The following DBX2 variants were observed in gnomAD, a reference collection of about 807,000 sequenced individuals.
DBX2 encodes the protein homeobox protein DBX2.
Under a neutral mutation model 17.7 loss-of-function variants are expected in DBX2, and 16 were observed. The ratio of observed to expected loss-of-function variants is 0.90; its 90% CI spans 0.61 to 1.37. The LOEUF (loss-of-function observed/expected upper bound fraction) is 1.37. Ranked by LOEUF, DBX2 falls within the 40% of genes most tolerant of loss-of-function variation. The pLI is 0.00. For missense variants in DBX2, 538 were observed against 433.8 expected, an observed-to-expected ratio of 1.24 and a Z score of -2.13; for synonymous variants, 255 against 183.8, an observed-to-expected ratio of 1.39 and a Z score of -3.13.
At position 45,050,698 on chromosome 12, in the gene DBX2, G is replaced by A. The variant is rs569493933; in HGVS notation, c.230C>T (p.Pro77Leu). Residue 77 changes from proline (P) to leucine (L), a missense_variant, in exon 1 of 4, where the codon CCT becomes CTT. Physicochemically the swap from Pro to Leu is moderately conservative, Grantham distance 98. Coordinates refer to ENST00000332700, the MANE Select transcript of DBX2 (RefSeq NM_001004329.3). ...CAGCTTTAGGGGAACTGGGCTAGCAGGCAGGGGCCGGAGCTGCGCGCCCGC... is the reference window on the plus strand; with the variant it reads ...CAGCTTTAGGGGAACTGGGCTAGCAAGCAGGGGCCGGAGCTGCGCGCCCGC... ...ATAGAQLRPL[P>L]ASPVPLKLCP... 18 of 1,526,172 alleles carry A rather than the reference G, an allele frequency of 1.2e-5. No individual in the cohort carries two copies. The highest frequency in any genetic ancestry group is 2.1e-5 in the Admixed American group (1 of 48,350). The allele number at this position is 1,526,172 out of a possible 1,614,324, so 94.5% of individuals were successfully genotyped here.
rs1253532108 is a variant in DBX2 at position 45,036,118 on chromosome 12, C to A, written c.404-4G>T. ...AGAAGGAAAGGTTTGGAAGGTGCTG[C>A]AGAGAAAGCATTGATCTCATTGATT... On this transcript the variant is annotated splice_polypyrimidine_tract_variant and splice_region_variant and intron_variant, in intron 1 of 3. Coordinates refer to ENST00000332700, the MANE Select transcript of DBX2 (RefSeq NM_001004329.3). 3.1e-6 allele frequency: 5 copies of A among 1,607,314 alleles called. No individual in the cohort carries two copies. The highest frequency in any genetic ancestry group is 1.7e-5 in the Admixed American group (1 of 58,614).
chr12:45,042,912 G>C (rs1946479320), intron 1 of DBX2, among the ~76,000 whole-genome samples: 1 of 152,084 alleles, frequency 6.6e-6, no homozygotes. Flanking sequence ...AGGTGCCCAG[G>C]GTCATCACCT....
intron 1 of DBX2, among the ~76,000 whole-genome samples, chr12:45,039,596 GATA>G (rs1325353935): frequency 2.6e-5 from 4 of 151,774 alleles, no homozygotes; most frequent in Non-Finnish European, 5.9e-5. Flanking sequence ...TATTTATAAT[GATA>G]ATATTTAAGG....
chr12:45,043,891 ACT>A (rs145727882), intron 1 of DBX2, among the ~76,000 whole-genome samples: 2,807 of 152,106 alleles, frequency 0.018, 37 homozygotes, highest in Non-Finnish European at 0.028. Context: ...TCAAATGCTG[ACT>A]CTACCACTGT....
At chr12:45,050,357 G>A (rs1357380757) in intron 1 of DBX2, among the ~76,000 whole-genome samples, 168 bp downstream of exon 1, 1 of 152,156 alleles carries the variant, frequency 6.6e-6, no homozygotes, top group East Asian at 1.9e-4. Context: ...CCTCCGCCTG[G>A]GCCCCCTACT....
At chr12:45,038,032 A>C (rs902642468) in intron 1 of DBX2, among the ~76,000 whole-genome samples, 1 of 152,098 alleles carries the variant, frequency 6.6e-6, no homozygotes, top group East Asian at 1.9e-4. Flanking sequence ...TATATTGACT[A>C]TAAAACTGTC....
At chr12:45,040,455 T>C (rs1946465283) in intron 1 of DBX2, among the ~76,000 whole-genome samples, 1 of 152,130 alleles carries the variant, frequency 6.6e-6, no homozygotes, top group Non-Finnish European at 1.5e-5. Context: ...AGCTTCCAAT[T>C]TCTGTGTGAA....
intron 2 of DBX2, 149 bp downstream of exon 2, chr12:45,035,870 G>A (rs1946437365): frequency 8.0e-6 from 6 of 746,522 alleles, no homozygotes; most frequent in South Asian, 4.1e-5. Context: ...TAAATCTCTG[G>A]AAACCTCTTG....
At chr12:45,050,379 A>G (rs1946523226) in intron 1 of DBX2, 146 bp downstream of exon 1, 42 of 1,136,626 alleles carry the variant, frequency 3.7e-5, no homozygotes, top group South Asian at 3.4e-4. Flanking sequence ...CCGAAGTGGC[A>G]TCTCCACTAA....
intron 2 of DBX2, among the ~76,000 whole-genome samples, chr12:45,025,387 CA>C (rs1363215539): frequency 6.6e-6 from 1 of 152,156 alleles, no homozygotes; most frequent in Non-Finnish European, 1.5e-5. Context: ...ACAAAGAACA[CA>C]CCCCTGCTTG....
intron 3 of DBX2, among the ~76,000 whole-genome samples, chr12:45,018,868 T>C (rs1408864838): frequency 6.6e-6 from 1 of 152,072 alleles, no homozygotes; most frequent in African/African-American, 2.4e-5. Flanking sequence ...GAGGATATTA[T>C]TCTAAGTAAA....
At chr12:45,032,991 C>T (rs1305391775) in intron 2 of DBX2, among the ~76,000 whole-genome samples, 1 of 152,166 alleles carries the variant, frequency 6.6e-6, no homozygotes, top group Non-Finnish European at 1.5e-5. Flanking sequence ...ATTTTCCATA[C>T]ACTGCTTTGG....
chr12:45,027,421 A>T (rs1243793511), intron 2 of DBX2, among the ~76,000 whole-genome samples: 3 of 152,234 alleles, frequency 2.0e-5, no homozygotes, highest in Non-Finnish European at 4.4e-5. Flanking sequence ...GCATTCTGGC[A>T]TGCTTAATTT....
intron 2 of DBX2, among the ~76,000 whole-genome samples, chr12:45,031,140 C>A (rs537401577): frequency 6.6e-6 from 1 of 150,838 alleles, no homozygotes; most frequent in Non-Finnish European, 1.5e-5. Context: ...TACCTCCTAT[C>A]TTTCAGGGGC....
At chr12:45,026,335 T>A (rs1454751021) in intron 2 of DBX2, among the ~76,000 whole-genome samples, 1 of 152,180 alleles carries the variant, frequency 6.6e-6, no homozygotes, top group Non-Finnish European at 1.5e-5. Flanking sequence ...GACATAATAA[T>A]AAACATACAC....
intron 3 of DBX2, among the ~76,000 whole-genome samples, chr12:45,020,016 CT>C (rs908996854): frequency 6.6e-6 from 1 of 152,098 alleles, no homozygotes; most frequent in Non-Finnish European, 1.5e-5. Flanking sequence ...TTACTGAATA[CT>C]TTTTTAAATT....
At chr12:45,042,155 C>T (rs1450911532) in intron 1 of DBX2, among the ~76,000 whole-genome samples, 5 of 152,122 alleles carry the variant, frequency 3.3e-5, no homozygotes, top group South Asian at 2.1e-4. Context: ...AGGATGAGAC[C>T]GTGAAAAGAA....
At chr12:45,019,971 A>G (rs192851707) in intron 3 of DBX2, among the ~76,000 whole-genome samples, 1 of 152,312 alleles carries the variant, frequency 6.6e-6, no homozygotes, top group Non-Finnish European at 1.5e-5. Context: ...CATACTGTTA[A>G]GTAAAAGAAG....
rs201061818 is a variant in DBX2, at chr12:45,043,403, T to TC, written c.403+7121dup. ...TTCATATGACCTAGTATTGGAAGTA[T>TC]CAGAATGTCCAAAGTTCCAAAGCCA... On this transcript the variant is annotated intron_variant, in intron 1 of 3. Coordinates refer to ENST00000332700, the MANE Select transcript of DBX2 (RefSeq NM_001004329.3). Among the ~76,000 whole-genome samples, 1,062 of 152,322 alleles carry TC rather than the reference T, an allele frequency of 7.0e-3. 23 individuals are homozygous for TC. Among genetic ancestry groups the TC allele is most frequent in the African/African-American group, 0.024 (987 of 41,570 alleles).
Sources: allele counts gnomAD v4.1 joint callset (sites outside exome capture counted in the v4.1 genomes callset), GRCh38; gene constraint gnomAD v4.1.1; transcripts MANE v1.5; gene names NCBI Gene and HGNC (gene_info 2026-07-23, HGNC 2026-07-21).